Variants in KCNN2 observed in about 807,000 individuals in gnomAD.
The protein encoded by KCNN2 is potassium calcium-activated channel subfamily N member 2.
Under a neutral mutation model 55.5 loss-of-function variants are expected in KCNN2, and 24 were observed. The observed-to-expected ratio is 0.43, with a 90% CI of 0.31 to 0.61. The LOEUF (loss-of-function observed/expected upper bound fraction) is 0.61. Ranked by LOEUF, KCNN2 falls within the 20% of genes least tolerant of loss-of-function variation. KCNN2 has a pLI of 0.08. For missense variants in KCNN2, 754 were observed against 853.6 expected (o/e 0.88, Z 1.45); for synonymous variants, 431 against 336.1 (o/e 1.28, Z -3.09).
At chr5:114,302,746 A>G (rs995108317) in intron 2 of KCNN2, among the ~76,000 whole-genome samples, 1 of 152,272 alleles carries the variant, frequency 6.6e-6, no homozygotes, top group African/African-American at 2.4e-5. Flanking sequence ...GATCATTGCA[A>G]ACAGTTTACA....
At chr5:114,149,233 G>A (rs1752466014) in intron 1 of KCNN2, among the ~76,000 whole-genome samples, 1 of 152,112 alleles carries the variant, frequency 6.6e-6, no homozygotes, top group African/African-American at 2.4e-5. Flanking sequence ...CCTGAAAAGA[G>A]GGGAGAGTCA....
intron 2 of KCNN2, among the ~76,000 whole-genome samples, chr5:114,338,857 T>C (rs560040449): frequency 1.3e-5 from 2 of 152,314 alleles, no homozygotes; most frequent in Admixed American, 6.5e-5. Context: ...AAGAGGTAGA[T>C]ATCTGTTGAT....
chr5:114,269,094 G>A lies in KCNN2; in HGVS notation c.-185+47529G>A, dbSNP rs558927079. 2.9e-4 allele frequency among the ~76,000 whole-genome samples: 44 copies of A among 152,056 alleles called. 1 individual carries two copies. In the South Asian group the frequency reaches 7.9e-3, roughly 27 times the overall value. On this transcript the variant is annotated intron_variant, in intron 2 of 10. Transcript: ENST00000512097. ...CATGATACCACTTCACACACAGGGC[G>A]CCCTGTCCTTCTTAGGAGTGTTCTC...
chr5:114,156,062 A>G (rs11740886), intron 1 of KCNN2, among the ~76,000 whole-genome samples: 1 of 151,872 alleles, frequency 6.6e-6, no homozygotes, highest in South Asian at 2.1e-4. Flanking sequence ...TTTGTATATG[A>G]TGTAAGGAAG....
intron 1 of KCNN2, among the ~76,000 whole-genome samples, chr5:114,183,079 A>G (rs1753268717): frequency 6.6e-6 from 1 of 152,118 alleles, no homozygotes; most frequent in South Asian, 2.1e-4. Flanking sequence ...ATTTTTAATC[A>G]TGAACAGATG....
intron 1 of KCNN2, among the ~76,000 whole-genome samples, chr5:114,198,730 A>G (rs1372255846): frequency 6.6e-6 from 1 of 151,768 alleles, no homozygotes; most frequent in East Asian, 1.9e-4. Context: ...ATGTATTTGT[A>G]TAGTCTTGGG....
intron 3 of KCNN2, among the ~76,000 whole-genome samples, chr5:114,408,118 C>T (rs1177841815): frequency 6.6e-6 from 1 of 151,750 alleles, no homozygotes; most frequent in Non-Finnish European, 1.5e-5. Context: ...GCGGTTGCCT[C>T]TTGGTTTTTC....
intron 2 of KCNN2, among the ~76,000 whole-genome samples, chr5:114,287,239 C>G (rs1162537354): frequency 1.3e-5 from 2 of 152,172 alleles, no homozygotes; most frequent in Non-Finnish European, 2.9e-5. Flanking sequence ...ACCCAGCAAT[C>G]CCATTACTGG....
rs866710795 is a variant in KCNN2, at chr5:114,172,514, C to T, written c.-270-48966C>T. On this transcript the variant is annotated intron_variant, in intron 1 of 10. Transcript: ENST00000512097. ...CCTTGTCTTTCTGGAAATTAGAAAA[C>T]ATTTACTGTGTGTGGGAGAGTTATA... is the stretch of plus-strand genomic sequence containing the variant. Among the ~76,000 whole-genome samples the T allele has an allele frequency of 5.3e-5, 8 of 151,128 alleles. No homozygotes were observed. In the South Asian group the frequency reaches 1.7e-3, roughly 31 times the overall value.
At chr5:114,409,333 A>T (rs907512382) in intron 3 of KCNN2, among the ~76,000 whole-genome samples, 1 of 86,430 alleles carries the variant, frequency 1.2e-5, no homozygotes, top group Non-Finnish European at 2.9e-5. Flanking sequence ...ATACAAAGAT[A>T]AAAAAAAATT....
intron 3 of KCNN2, among the ~76,000 whole-genome samples, chr5:114,455,986 A>T (rs1362404674): frequency 6.6e-6 from 1 of 152,236 alleles, no homozygotes; most frequent in Non-Finnish European, 1.5e-5. Context: ...AGCAAGGTGA[A>T]GCAGGAAGTG....
chr5:114,185,387 A>G (rs1250656600), intron 1 of KCNN2, among the ~76,000 whole-genome samples: 1 of 152,256 alleles, frequency 6.6e-6, no homozygotes, highest in Non-Finnish European at 1.5e-5. Context: ...AGACAGCCAG[A>G]TGGGAGGGGT....
At chr5:114,155,312 G>C (rs2112522735) in intron 1 of KCNN2, among the ~76,000 whole-genome samples, 1 of 152,226 alleles carries the variant, frequency 6.6e-6, no homozygotes, top group South Asian at 2.1e-4. Context: ...GGTTGATTCT[G>C]TGTCATTGGT....
At chr5:114,417,011 C>T (rs1759326618) in intron 3 of KCNN2, among the ~76,000 whole-genome samples, 1 of 152,168 alleles carries the variant, frequency 6.6e-6, no homozygotes, top group Non-Finnish European at 1.5e-5. Context: ...TTGAACAAAA[C>T]TGGGTTATAC....
At chr5:114,101,595 C>G (rs569218144) in intron 1 of KCNN2, among the ~76,000 whole-genome samples, 14 of 151,896 alleles carry the variant, frequency 9.2e-5, no homozygotes, top group African/African-American at 2.9e-4. Flanking sequence ...TACCCCCACC[C>G]CCTAACAGGT....
At chr5:114,265,842 T>G (rs544242045) in intron 2 of KCNN2, among the ~76,000 whole-genome samples, 2 of 152,268 alleles carry the variant, frequency 1.3e-5, no homozygotes, top group South Asian at 4.1e-4. Context: ...TGTTGACTAC[T>G]CACCCTGTGC....
rs192165750 is a variant in KCNN2 at position 114,220,018 on chromosome 5, A to C, written c.-270-1462A>C. On this transcript the variant is annotated intron_variant, in intron 1 of 10. Transcript: ENST00000512097. ...TTAAGCAATCATTAAAAAATTTAGA[A>C]ATAATTTTTAGTTTACAGACCTTAA... 1.4e-4 allele frequency among the ~76,000 whole-genome samples: 21 copies of C among 152,278 alleles called. No individual in the cohort carries two copies. In the East Asian group the frequency reaches 3.9e-3, roughly 28 times the overall value.
At chr5:114,254,219 A>T (rs1385336879) in intron 2 of KCNN2, among the ~76,000 whole-genome samples, 2 of 152,208 alleles carry the variant, frequency 1.3e-5, no homozygotes, top group Non-Finnish European at 2.9e-5. Context: ...ATACGAAAAG[A>T]TAGAAAATAT....
At chr5:114,115,401 A>G (rs1210000360) in intron 1 of KCNN2, among the ~76,000 whole-genome samples, 1 of 152,128 alleles carries the variant, frequency 6.6e-6, no homozygotes, top group Non-Finnish European at 1.5e-5. Context: ...TTAACATTCT[A>G]TGCTGTGGGT....
Sources: allele counts gnomAD v4.1 joint callset (sites outside exome capture counted in the v4.1 genomes callset), GRCh38; gene constraint gnomAD v4.1.1; transcripts MANE v1.5; gene names NCBI Gene and HGNC (gene_info 2026-07-23, HGNC 2026-07-21).